TBC1D31: variants seen among roughly 807,000 people sequenced by gnomAD.
The protein encoded by TBC1D31 is TBC1 domain family member 31.
In TBC1D31, 99 loss-of-function variants were observed where a neutral mutation model predicts 132.9. That is an observed-to-expected ratio of 0.74 (90% confidence interval 0.63 to 0.88). The LOEUF is 0.88. TBC1D31 is among the 40% of genes least tolerant of loss of function. The pLI is 0.00. For missense variants in TBC1D31, 1,134 were observed against 1,256.6 expected (o/e 0.90, Z 1.48); for synonymous variants, 385 against 419.4 (o/e 0.92, Z 1.00).
At chr8:123,164,537 G>A in the TBC1D31 span, among the ~76,000 whole-genome samples, 12 of 152,022 alleles carry the variant, frequency 7.9e-5, no homozygotes, top group Non-Finnish European at 4.4e-5. Flanking sequence ...GCCTGGCCAA[G>A]GTGGTGAAAC....
At position 123,129,130 on chromosome 8, in the gene TBC1D31, CA is replaced by C. The variant is rs1820379597; in HGVS notation, c.2183del (p.Gln728ArgfsTer24). 1 of 1,609,596 alleles carries C rather than the reference CA, an allele frequency of 6.2e-7. No homozygotes were observed. The highest frequency in any genetic ancestry group is 1.7e-5 in the Admixed American group (1 of 59,866). ...QQRVEDEAWY[Q>X]KQELLRKAEE... ...AAGAGTTGAAGATGAAGCTTGGTACCAGAAACAGGAGCTGCTTCGTAAAGCT... is the reference window on the plus strand; with the variant it reads ...AAGAGTTGAAGATGAAGCTTGGTACCGAAACAGGAGCTGCTTCGTAAAGCT... On this transcript the variant is annotated frameshift_variant, in exon 15 of 22. Transcript: ENST00000287380. LOFTEE classifies it high-confidence loss of function.
intron 17 of TBC1D31, among the ~76,000 whole-genome samples, chr8:123,138,002 A>T (rs570814328): frequency 6.6e-6 from 1 of 152,192 alleles, no homozygotes; most frequent in Non-Finnish European, 1.5e-5. Flanking sequence ...TTAAAAAGCT[A>T]ATGGACAACT....
intron 4 of TBC1D31, among the ~76,000 whole-genome samples, chr8:123,086,059 G>T (rs1328483875): frequency 6.6e-6 from 1 of 152,130 alleles, no homozygotes; most frequent in Non-Finnish European, 1.5e-5. Flanking sequence ...TCAACGGCTT[G>T]GCCGAGTGCC....
At chr8:123,111,634 A>C (rs1160485681) in intron 10 of TBC1D31, among the ~76,000 whole-genome samples, 1 of 152,086 alleles carries the variant, frequency 6.6e-6, no homozygotes, top group Non-Finnish European at 1.5e-5. Flanking sequence ...AACAGCATTG[A>C]CATAATTCCT....
chr8:123,088,647 T>G (rs1027425299), intron 4 of TBC1D31, among the ~76,000 whole-genome samples: 8 of 152,246 alleles, frequency 5.3e-5, no homozygotes, highest in African/African-American at 1.9e-4. Context: ...AAACTCATAT[T>G]TTTATTACAG....
Position 123,152,010 on chromosome 8 carries a change from T to C in TBC1D31, c.*71T>C. 7.7e-7 allele frequency: 1 copy of C among 1,303,984 alleles called. No homozygotes were observed. The highest frequency in any genetic ancestry group is 1.0e-6 in the Non-Finnish European group (1 of 1,002,244). The allele number at this position is 1,303,984 out of a possible 1,614,324, so 80.8% of individuals were successfully genotyped here. On this transcript the variant is annotated 3_prime_UTR_variant, in exon 22 of 22. Coordinates refer to ENST00000287380, the MANE Select transcript of TBC1D31 (RefSeq NM_145647.4). ...ATCAGTGACATTGATTTTTAGATTATTTATTTAAAATTCCTATAAAGATCA... is the reference window on the plus strand; with the variant it reads ...ATCAGTGACATTGATTTTTAGATTACTTATTTAAAATTCCTATAAAGATCA...
At chr8:123,090,878 T>A (rs1464009490) in intron 4 of TBC1D31, among the ~76,000 whole-genome samples, 10 of 151,970 alleles carry the variant, frequency 6.6e-5, no homozygotes, top group Admixed American at 6.6e-4. Flanking sequence ...CTTGGGAGGT[T>A]GTAGTGAGCC....
At chr8:123,135,924 T>C (rs1472843656) in intron 17 of TBC1D31, among the ~76,000 whole-genome samples, 2 of 152,214 alleles carry the variant, frequency 1.3e-5, no homozygotes, top group Non-Finnish European at 2.9e-5. Flanking sequence ...ATACTAAAAA[T>C]TTCCAGATAT....
intron 6 of TBC1D31, 21 bp downstream of exon 6, chr8:123,097,462 G>A: frequency 1.2e-6 from 2 of 1,606,052 alleles, no homozygotes; most frequent in Admixed American, 1.7e-5. Context: ...TAAATGTAGG[G>A]CACTGTACTT....
intron 3 of TBC1D31, chr8:123,083,158 A>G (rs1404890349): frequency 5.6e-6 from 1 of 179,096 alleles, no homozygotes; most frequent in Admixed American, 5.9e-5. Flanking sequence ...AGGCTTCCAA[A>G]AGGGAAGCCT....
Position 123,120,035 on chromosome 8 carries a change from C to T in TBC1D31, c.1437-20C>T. 6.5e-7 allele frequency: 1 copy of T among 1,540,796 alleles called. No individual in the cohort carries two copies. The highest frequency in any genetic ancestry group is 8.7e-7 in the Non-Finnish European group (1 of 1,146,154). On this transcript the variant is annotated intron_variant, in intron 10 of 21. Transcript: ENST00000287380. Reference sequence around the variant, plus strand: ...TTATTTATTCAAATAAATTTTAATGCTAAGTTATTTTATTCACAGAACCTT... The same window carrying T: ...TTATTTATTCAAATAAATTTTAATGTTAAGTTATTTTATTCACAGAACCTT...
chr8:123,140,702 A>C (rs1250430971), intron 17 of TBC1D31, 59 bp from the exon 18 acceptor site: 40 of 1,420,022 alleles, frequency 2.8e-5, no homozygotes, highest in Non-Finnish European at 3.6e-5. Flanking sequence ...GAAAAAAGTC[A>C]TTTTTGTATT....
At chr8:123,153,578 A>C (rs1031354274), downstream of TBC1D31, among the ~76,000 whole-genome samples, 3 of 152,214 alleles carry the variant, frequency 2.0e-5, no homozygotes, top group Admixed American at 6.5e-5. Context: ...CGTTTCAGAT[A>C]CTTGGTTGAA....
In TBC1D31 at chr8:123,151,877, C is replaced by T. The variant is rs372043385; in HGVS notation, c.3139C>T (p.Arg1047Cys). Reference sequence around the variant, plus strand: ...TCTTATTAAGAAAGTGAGAAATCTTCGCCAGAGACTCACTGCCCGGGCTCG... The same window carrying T: ...TCTTATTAAGAAAGTGAGAAATCTTTGCCAGAGACTCACTGCCCGGGCTCG... ...QNLIKKVRNLRQRLTARARHR... is the reference protein window; with the variant it reads ...QNLIKKVRNLCQRLTARARHR... Residue 1047 changes from arginine to cysteine, a missense_variant, in exon 22 of 22, where the codon CGC (arginine) becomes TGC (cysteine). Arg to Cys is a radical substitution (Grantham distance 180, BLOSUM62 -3). Transcript: ENST00000287380. The T allele has an allele frequency of 1.2e-5, 19 of 1,592,182 alleles. No homozygotes were observed. Among genetic ancestry groups the T allele is most frequent in the East Asian group, 1.1e-4 (5 of 43,884 alleles).
At position 123,110,021 on chromosome 8, in the gene TBC1D31, G is replaced by A. The variant is rs373639535; in HGVS notation, c.1436+401G>A. On this transcript the variant is annotated intron_variant, in intron 10 of 21. Transcript: ENST00000287380. ...GGCAGGGAGAATCGGTTGAACCCTG[G>A]AGGCAGAGGTTGCAGTGAGCTGAGA... Among the ~76,000 whole-genome samples the A allele has an allele frequency of 1.1e-4, 17 of 152,262 alleles. No individual in the cohort carries two copies. In the East Asian group the frequency reaches 1.9e-3, roughly 17 times the overall value.
chr8:123,107,360 C>T (rs1452884163), intron 8 of TBC1D31, among the ~76,000 whole-genome samples: 4 of 152,210 alleles, frequency 2.6e-5, no homozygotes, highest in Non-Finnish European at 5.9e-5. Context: ...TCCCCCATCA[C>T]ATTTTTCTCC....
intron 4 of TBC1D31, among the ~76,000 whole-genome samples, chr8:123,091,646 G>T (rs1323525728): frequency 6.6e-6 from 1 of 152,110 alleles, no homozygotes; most frequent in African/African-American, 2.4e-5. Flanking sequence ...TTAATCCTGA[G>T]TAGATTATTT....
chr8:123,154,098 A>T (rs1822930275), downstream of TBC1D31, among the ~76,000 whole-genome samples: 1 of 152,232 alleles, frequency 6.6e-6, no homozygotes, highest in Admixed American at 6.5e-5. Flanking sequence ...TTCCACAGTC[A>T]TTGCATGTGG....
rs765073590 is a variant in TBC1D31, at chr8:123,082,680, T to G, written c.225-22T>G. 3.3e-6 allele frequency: 5 copies of G among 1,498,840 alleles called. No homozygotes were observed. In the African/African-American group the frequency reaches 4.1e-5, roughly 12 times the overall value. The allele number at this position is 1,498,840 out of a possible 1,614,324, so 92.8% of individuals were successfully genotyped here. Reference sequence around the variant, plus strand: ...TAATTATTGGAAGAATTTGTGATACTAATGCAATGATCTCTTAATAGGTTC... The same window carrying G: ...TAATTATTGGAAGAATTTGTGATACGAATGCAATGATCTCTTAATAGGTTC... On this transcript the variant is annotated intron_variant, in intron 2 of 21. Coordinates refer to ENST00000287380, the MANE Select transcript of TBC1D31 (RefSeq NM_145647.4).
Sources: gnomAD v4.1 joint callset for allele counts (sites outside exome capture counted in the v4.1 genomes callset) on GRCh38, gnomAD v4.1.1 for gene constraint, MANE v1.5 for transcripts, NCBI Gene and HGNC (gene_info 2026-07-23, HGNC 2026-07-21) for gene names.